SGCZ: variants seen among roughly 807,000 people sequenced by gnomAD.
SGCZ encodes sarcoglycan zeta.
Under a neutral mutation model 41.3 loss-of-function variants are expected in SGCZ, and 40 were observed. That is an observed-to-expected ratio of 0.97 (90% CI 0.75 to 1.26). The LOEUF (loss-of-function observed/expected upper bound fraction) is 1.26. SGCZ is among the 50% of genes most tolerant of loss of function. The pLI, the probability that SGCZ is intolerant of heterozygous loss-of-function variation, is 0.00. For missense variants in SGCZ, 552 were observed against 369.8 expected, an observed-to-expected ratio of 1.49 and a Z score of -4.04; for synonymous variants, 206 against 137.5, an observed-to-expected ratio of 1.50 and a Z score of -3.49.
rs912827107 is a variant in SGCZ at position 14,680,990 on chromosome 8, C to T, written c.40-126064G>A. The stretch of plus-strand genomic sequence containing the variant: ...AAAAAAAAAAAAAAAAACAGAAAAT[C>T]GGTGAACCCTGGCACAATACCAGGA... On this transcript the variant is annotated intron_variant, in intron 1 of 7. Transcript: ENST00000382080. Among the ~76,000 whole-genome samples, 17 of 108,540 alleles carry T rather than the reference C, an allele frequency of 1.6e-4. 1 individual carries two copies. The highest frequency in any genetic ancestry group is 3.4e-4 in the Admixed American group (4 of 11,764). 71.2% of individuals were successfully genotyped at this position (108,540 alleles called of 152,430 possible). A position where few individuals can be genotyped will look rare whatever the true frequency, so the allele number is the denominator to read the frequency against.
At chr8:14,361,102 T>C (rs1433973215) in intron 2 of SGCZ, among the ~76,000 whole-genome samples, 2 of 152,242 alleles carry the variant, frequency 1.3e-5, no homozygotes, top group Non-Finnish European at 2.9e-5. Context: ...AAAATGTCTC[T>C]TCATGTCTTG....
At chr8:14,298,836 G>A (rs1801099808) in intron 3 of SGCZ, among the ~76,000 whole-genome samples, 1 of 151,848 alleles carries the variant, frequency 6.6e-6, no homozygotes, top group African/African-American at 2.4e-5. Context: ...TGATTCTGCA[G>A]AAATCAACAT....
At chr8:14,920,567 G>T (rs2130790414) in intron 1 of SGCZ, among the ~76,000 whole-genome samples, 1 of 152,148 alleles carries the variant, frequency 6.6e-6, no homozygotes, top group Admixed American at 6.5e-5. Flanking sequence ...AGTCAAAGAT[G>T]AATTTGAGGA....
chr8:14,275,121 T>C (rs111311699), intron 3 of SGCZ, among the ~76,000 whole-genome samples: 1 of 152,184 alleles, frequency 6.6e-6, no homozygotes, highest in Non-Finnish European at 1.5e-5. Context: ...GTGTCCATAG[T>C]TATGCTGGTC....
chr8:14,520,639 A>G (rs966039326), intron 2 of SGCZ, among the ~76,000 whole-genome samples: 20 of 152,286 alleles, frequency 1.3e-4, no homozygotes, highest in African/African-American at 4.8e-4. Context: ...TAAGGGCACA[A>G]TATATTTCTG....
chr8:14,697,351 G>A (rs1167405311), intron 1 of SGCZ, among the ~76,000 whole-genome samples: 1 of 151,984 alleles, frequency 6.6e-6, no homozygotes, highest in Non-Finnish European at 1.5e-5. Context: ...TCATTAGATT[G>A]TTGAGGGGAT....
chr8:14,334,658 T>G (rs546721851), intron 2 of SGCZ, among the ~76,000 whole-genome samples: 2 of 152,076 alleles, frequency 1.3e-5, no homozygotes, highest in African/African-American at 4.8e-5. Context: ...TGCCTCAAAT[T>G]TGCATTGTGG....
chr8:14,219,316 C>T (rs1344372516), intron 4 of SGCZ, among the ~76,000 whole-genome samples: 1 of 152,170 alleles, frequency 6.6e-6, no homozygotes, highest in Non-Finnish European at 1.5e-5. Context: ...GCTTAAACCA[C>T]TACATCTGAG....
Position 14,772,679 on chromosome 8 carries a change from T to A in SGCZ, c.40-217753A>T, listed in dbSNP as rs576860198. 2.7e-4 allele frequency among the ~76,000 whole-genome samples: 40 copies of A among 149,898 alleles called. 1 individual carries two copies. In the South Asian group the frequency reaches 8.5e-3, roughly 32 times the overall value. ...CACCTATGAGTGAGAACATGCGGTG[T>A]TTGGTTTTTTGTTCTTGCAATGTTT... On this transcript the variant is annotated intron_variant, in intron 1 of 7. Transcript: ENST00000382080.
intron 1 of SGCZ, among the ~76,000 whole-genome samples, chr8:14,656,554 T>C (rs138531397): frequency 0.011 from 1,686 of 147,266 alleles, 42 homozygotes; most frequent in African/African-American, 0.039. Context: ...TCCCTTTCTT[T>C]TTCTTTCTTT....
chr8:14,543,450 T>A (rs993625940), intron 2 of SGCZ, among the ~76,000 whole-genome samples: 1 of 152,072 alleles, frequency 6.6e-6, no homozygotes, highest in Non-Finnish European at 1.5e-5. Context: ...AAAAATGAAG[T>A]CTAGACAGCC....
intron 1 of SGCZ, among the ~76,000 whole-genome samples, chr8:14,823,904 G>C (rs896132147): frequency 3.9e-5 from 6 of 152,072 alleles, no homozygotes; most frequent in African/African-American, 1.2e-4. Context: ...CTTTAAAAAG[G>C]AATTAAATTC....
intron 3 of SGCZ, among the ~76,000 whole-genome samples, chr8:14,245,999 G>T (rs1317242066): frequency 6.6e-6 from 1 of 152,106 alleles, no homozygotes; most frequent in Non-Finnish European, 1.5e-5. Context: ...ACTGTTGGTG[G>T]GACTGTAAAC....
chr8:15,056,562 G>C (rs59928462), intron 1 of SGCZ, among the ~76,000 whole-genome samples: 1 of 151,060 alleles, frequency 6.6e-6, no homozygotes, highest in African/African-American at 2.4e-5. Context: ...AAAAACATTA[G>C]AAATGATAGT....
chr8:14,386,145 C>A (rs1213957048), intron 2 of SGCZ, among the ~76,000 whole-genome samples: 2 of 152,072 alleles, frequency 1.3e-5, no homozygotes, highest in Non-Finnish European at 2.9e-5. Flanking sequence ...AGAGGCCCAA[C>A]CATATTACAC....
At chr8:14,124,393 C>T (rs1276334083) in intron 5 of SGCZ, among the ~76,000 whole-genome samples, 5 of 152,180 alleles carry the variant, frequency 3.3e-5, no homozygotes, top group Admixed American at 6.5e-5. Flanking sequence ...CACACCCACA[C>T]AAGACCCCAA....
chr8:14,400,805 G>T (rs574064727), intron 2 of SGCZ, among the ~76,000 whole-genome samples: 13 of 152,008 alleles, frequency 8.6e-5, no homozygotes, highest in Non-Finnish European at 1.8e-4. Flanking sequence ...ATATAAAAAA[G>T]AATTGAATCC....
chr8:14,497,876 A>G (rs975662770), intron 2 of SGCZ, among the ~76,000 whole-genome samples: 1 of 152,154 alleles, frequency 6.6e-6, no homozygotes, highest in Non-Finnish European at 1.5e-5. Flanking sequence ...GGCATGCATA[A>G]TTTTAAATGG....
chr8:14,631,804 C>A (rs544082538), intron 1 of SGCZ, among the ~76,000 whole-genome samples: 3 of 152,094 alleles, frequency 2.0e-5, no homozygotes, highest in African/African-American at 7.2e-5. Context: ...GTCTCTACCA[C>A]CAAACACTTG....
Sources: allele counts gnomAD v4.1 joint callset (sites outside exome capture counted in the v4.1 genomes callset), GRCh38; gene constraint gnomAD v4.1.1; transcripts MANE v1.5; gene names NCBI Gene and HGNC (gene_info 2026-07-23, HGNC 2026-07-21).